The following DLGAP2 variants were observed in gnomAD, a reference collection of about 807,000 sequenced individuals.
The protein encoded by DLGAP2 is disks large-associated protein 2.
In DLGAP2, 26 loss-of-function variants were observed where a neutral mutation model predicts 100.3. The observed-to-expected ratio is 0.26, with a 90% CI of 0.19 to 0.36. The LOEUF is 0.36. DLGAP2 is among the 10% of genes least tolerant of loss of function. DLGAP2 has a pLI of 1.00. For missense variants in DLGAP2, 1,858 were observed against 1,453.2 expected, an observed-to-expected ratio of 1.28 and a Z score of -4.53; for synonymous variants, 886 against 630.1, an observed-to-expected ratio of 1.41 and a Z score of -6.08.
chr8:1,673,943 C>T (rs527843240), intron 10 of DLGAP2, among the ~76,000 whole-genome samples: 1 of 152,296 alleles, frequency 6.6e-6, no homozygotes, highest in Admixed American at 6.5e-5. Context: ...CCTGTGACTG[C>T]GAGTGTCTCT....
intron 2 of DLGAP2, among the ~76,000 whole-genome samples, chr8:927,919 G>A (rs1798854196): frequency 6.6e-6 from 1 of 152,204 alleles, no homozygotes; most frequent in Non-Finnish European, 1.5e-5. Context: ...TCCCCTGAAG[G>A]GGCAGAGCAG....
chr8:1,425,349 A>C (rs1195400465), intron 3 of DLGAP2, among the ~76,000 whole-genome samples: 1 of 152,202 alleles, frequency 6.6e-6, no homozygotes, highest in Non-Finnish European at 1.5e-5. Flanking sequence ...ACCTGGTGTT[A>C]ACATCTAGCA....
At chr8:1,271,727 T>C (rs968674786) in intron 3 of DLGAP2, among the ~76,000 whole-genome samples, 4 of 152,206 alleles carry the variant, frequency 2.6e-5, no homozygotes, top group Non-Finnish European at 5.9e-5. Flanking sequence ...AATGGGACAA[T>C]GTTGGTTGAA....
chr8:1,127,422 G>A (rs1275790423), intron 2 of DLGAP2, among the ~76,000 whole-genome samples: 1 of 151,596 alleles, frequency 6.6e-6, no homozygotes, highest in East Asian at 2.0e-4. Context: ...CCCTTCGTGT[G>A]TGGAGGCCCC....
At chr8:1,314,152 A>G (rs1800674561) in intron 3 of DLGAP2, among the ~76,000 whole-genome samples, 1 of 152,236 alleles carries the variant, frequency 6.6e-6, no homozygotes, top group African/African-American at 2.4e-5. Context: ...ATAAAATCCT[A>G]TGAAACTGTA....
chr8:1,518,050 T>C (rs191149675), intron 4 of DLGAP2, among the ~76,000 whole-genome samples: 7 of 152,200 alleles, frequency 4.6e-5, no homozygotes, highest in African/African-American at 1.7e-4. Flanking sequence ...TAAAAGTGAT[T>C]AAAACTGATG....
At chr8:1,541,997 C>G (rs1278664085) in intron 4 of DLGAP2, among the ~76,000 whole-genome samples, 1 of 152,230 alleles carries the variant, frequency 6.6e-6, no homozygotes, top group Non-Finnish European at 1.5e-5. Flanking sequence ...TCAGATGTTT[C>G]TCTGAGCCAT....
At chr8:766,819 C>T (rs1206292080) in intron 1 of DLGAP2, among the ~76,000 whole-genome samples, 4 of 152,134 alleles carry the variant, frequency 2.6e-5, no homozygotes, top group African/African-American at 9.7e-5. Flanking sequence ...TCCTGAGGCT[C>T]GGCCAAAAGT....
chr8:936,619 C>T (rs1025794327), intron 2 of DLGAP2, among the ~76,000 whole-genome samples: 5 of 152,156 alleles, frequency 3.3e-5, no homozygotes, highest in African/African-American at 4.8e-5. Context: ...ACATGGAACT[C>T]GGTGCAGGAG....
At chr8:893,571 C>T (rs1454770387) in intron 1 of DLGAP2, among the ~76,000 whole-genome samples, 1 of 152,216 alleles carries the variant, frequency 6.6e-6, no homozygotes, top group Admixed American at 6.5e-5. Context: ...GCTGCCCTTC[C>T]ATCCAGTGTG....
intron 3 of DLGAP2, among the ~76,000 whole-genome samples, chr8:1,314,728 C>T (rs550014075): frequency 3.8e-4 from 58 of 152,318 alleles, no homozygotes; most frequent in African/African-American, 1.4e-3. Context: ...CTCCGGAGGT[C>T]GAGGACTTTC....
At chr8:754,198 G>A (rs1405089142) in intron 1 of DLGAP2, 2 of 152,306 alleles carry the variant, frequency 1.3e-5, no homozygotes, top group African/African-American at 2.4e-5. Context: ...CCTTTCCTGG[G>A]GCTCACTTTG....
At chr8:744,511 C>G (rs1215749489) in intron 1 of DLGAP2, among the ~76,000 whole-genome samples, 1 of 152,076 alleles carries the variant, frequency 6.6e-6, no homozygotes, top group Non-Finnish European at 1.5e-5. Flanking sequence ...TCCCGGGGTG[C>G]TGGCCGTCTG....
chr8:973,594 G>C (rs1276934226), intron 2 of DLGAP2, among the ~76,000 whole-genome samples: 1 of 152,216 alleles, frequency 6.6e-6, no homozygotes, highest in Non-Finnish European at 1.5e-5. Context: ...CGGCACTTTG[G>C]GAGGCCAAGG....
chr8:1,028,057 C>A (rs1354675388), intron 2 of DLGAP2, among the ~76,000 whole-genome samples: 1 of 138,458 alleles, frequency 7.2e-6, no homozygotes, highest in East Asian at 2.5e-4. Flanking sequence ...GCCCATTATT[C>A]TCCAGGTGGG....
At chr8:1,248,302 G>GT (rs563859259) in intron 2 of DLGAP2, among the ~76,000 whole-genome samples, 4 of 88,962 alleles carry the variant, frequency 4.5e-5, no homozygotes, top group African/African-American at 5.9e-5. Flanking sequence ...AGATCAGTGT[G>GT]GGAGTAATGG....
intron 2 of DLGAP2, among the ~76,000 whole-genome samples, chr8:1,050,024 G>A (rs140055325): frequency 7.4e-4 from 112 of 152,192 alleles, no homozygotes; most frequent in Middle Eastern, 3.4e-3. Context: ...ACACACATGC[G>A]GATATGTGTA....
chr8:1,028,370 G>A (rs1801877020), intron 2 of DLGAP2, among the ~76,000 whole-genome samples: 1 of 144,176 alleles, frequency 6.9e-6, no homozygotes, highest in Admixed American at 6.9e-5. Flanking sequence ...CAGGTGGGGT[G>A]TCAGGCACCC....
chr8:1,277,265 G>A (rs1052118411), intron 3 of DLGAP2, among the ~76,000 whole-genome samples: 3 of 152,154 alleles, frequency 2.0e-5, no homozygotes, highest in Non-Finnish European at 2.9e-5. Flanking sequence ...AGTGGCAGAC[G>A]TATATCTGTG....
Sources: gnomAD v4.1 joint callset for allele counts (sites outside exome capture counted in the v4.1 genomes callset) on GRCh38, gnomAD v4.1.1 for gene constraint, MANE v1.5 for transcripts, NCBI Gene and HGNC (gene_info 2026-07-23, HGNC 2026-07-21) for gene names.